Variants in SRSF5 observed in about 807,000 individuals in gnomAD.
The protein encoded by SRSF5 is serine/arginine-rich splicing factor 5.
In SRSF5, 5 loss-of-function variants were observed where a neutral mutation model predicts 34.0. That is an observed-to-expected ratio of 0.15 (90% CI 0.08 to 0.31). The LOEUF (loss-of-function observed/expected upper bound fraction) is 0.31. Ranked by LOEUF, SRSF5 falls within the 10% of genes least tolerant of loss-of-function variation. SRSF5 has a pLI of 1.00. For missense variants in SRSF5, 223 were observed against 351.4 expected (o/e 0.63, Z 2.92); for synonymous variants, 164 against 117.7 (o/e 1.39, Z -2.55).
intron 5 of SRSF5, 59 bp from the exon 6 acceptor site, chr14:69,770,408 G>T: frequency 6.3e-7 from 1 of 1,587,574 alleles, no homozygotes; most frequent in Admixed American, 1.9e-5. Context: ...TTTATATCAT[G>T]TGATTGTTTG....
Position 69,767,194 on chromosome 14 carries a change from A to G in SRSF5, c.-81A>G. 1 of 356,636 alleles carries G rather than the reference A, an allele frequency of 2.8e-6. No homozygotes were observed. Among genetic ancestry groups the G allele is most frequent in the Non-Finnish European group, 5.5e-6 (1 of 181,548 alleles). The allele number at this position is 356,636 out of a possible 1,614,324, so 22.1% of individuals were successfully genotyped here. A position where few individuals can be genotyped will look rare whatever the true frequency, so the allele number is the denominator to read the frequency against. On this transcript the variant is annotated 5_prime_UTR_variant, in exon 1 of 8. Transcript: ENST00000557154. Reference sequence around the variant, plus strand: ...TAAGTCCTGGTCTGCGTGGAGGTCGACGACTCCGTCGCAGACTACGGACCT... The same window carrying G: ...TAAGTCCTGGTCTGCGTGGAGGTCGGCGACTCCGTCGCAGACTACGGACCT...
rs894289278 is a variant in SRSF5, at chr14:69,767,158, C to T, written c.-117C>T. 2 of 340,990 alleles carry T rather than the reference C, an allele frequency of 5.9e-6. No individual in the cohort carries two copies. The highest frequency in any genetic ancestry group is 2.2e-5 in the South Asian group (1 of 45,046). The allele number at this position is 340,990 out of a possible 1,614,324, so 21.1% of individuals were successfully genotyped here. A position where few individuals can be genotyped will look rare whatever the true frequency, so the allele number is the denominator to read the frequency against. On this transcript the variant is annotated 5_prime_UTR_variant, in exon 1 of 8. Transcript: ENST00000557154. ...GCTAAGTGCGTCAGTTGTGGAGTGG[C>T]GTAGACGAGTTAAGTCCTGGTCTGC...
Position 69,771,792 on chromosome 14 carries a change from T to C in SRSF5, c.*331T>C, listed in dbSNP as rs930086176. 8.8e-6 allele frequency: 2 copies of C among 228,412 alleles called. No individual in the cohort carries two copies. The highest frequency in any genetic ancestry group is 4.6e-5 in the African/African-American group (2 of 43,262). 14.1% of individuals were successfully genotyped at this position (228,412 alleles called of 1,614,324 possible). On this transcript the variant is annotated 3_prime_UTR_variant, in exon 8 of 8. Coordinates refer to ENST00000557154, the MANE Select transcript of SRSF5 (RefSeq NM_001320214.2). ...GAAAAAAATTTGAACATTTTAGTTC[T>C]TGGTTATAAAAATGTTAATTCAGAA...
intron 1 of SRSF5, 183 bp from the exon 2 acceptor site, chr14:69,767,955 T>G: frequency 1.7e-6 from 1 of 597,886 alleles, no homozygotes; most frequent in Non-Finnish European, 2.9e-6. Context: ...CGGACCGTGT[T>G]GGGAGGGAGC....
intron 2 of SRSF5, 108 bp downstream of exon 2, chr14:69,768,390 C>T (rs1285558767): frequency 8.0e-6 from 12 of 1,492,912 alleles, no homozygotes; most frequent in Admixed American, 1.8e-5. Context: ...GAAAATGTTA[C>T]CCAGCCTTAT....
rs371196399 is a variant in SRSF5 at position 69,771,322 on chromosome 14, C to G, written c.680C>G (p.Ser227Cys). 3.1e-6 allele frequency: 5 copies of G among 1,613,920 alleles called. No individual in the cohort carries two copies. The highest frequency in any genetic ancestry group is 4.2e-6 in the Non-Finnish European group (5 of 1,180,002). The change falls in exon 8 of 8, where the codon TCC becomes TGC. Residue 227 changes from serine (S) to cysteine (C), a missense_variant. Around this residue, in one of 4 missense-constraint regions of SRSF5, gnomAD observed 115 missense variants for 119.7 expected, o/e 0.96. Coordinates refer to ENST00000557154, the MANE Select transcript of SRSF5 (RefSeq NM_001320214.2). ...SRSRSRSRSK[S>C]RSVSRSPVPE... ...AGCAGGAGCCGGAGCCGGAGCAAGT[C>G]CCGTTCTGTTAGTAGGTCTCCCGTG...
Position 69,771,626 on chromosome 14 carries a change from AAGG to A in SRSF5, c.*166_*168del. ...GATATCTTTGTAGATGTGGACCACCAAGGGGTTGTTGAAAACTAATTGTATTAA... is the reference window on the plus strand; with the variant it reads ...GATATCTTTGTAGATGTGGACCACCAGGTTGTTGAAAACTAATTGTATTAA... On this transcript the variant is annotated 3_prime_UTR_variant, in exon 8 of 8. Coordinates refer to ENST00000557154, the MANE Select transcript of SRSF5 (RefSeq NM_001320214.2). The A allele has an allele frequency of 1.3e-6, 1 of 779,694 alleles. No homozygotes were observed. Among genetic ancestry groups the A allele is most frequent in the Non-Finnish European group, 2.0e-6 (1 of 501,664 alleles). 48.3% of individuals were successfully genotyped at this position (779,694 alleles called of 1,614,324 possible). A position where few individuals can be genotyped will look rare whatever the true frequency, so the allele number is the denominator to read the frequency against.
chr14:69,769,862 A>G (rs1882998959), intron 5 of SRSF5: 1 of 1,239,914 alleles, frequency 8.1e-7, no homozygotes. Flanking sequence ...CTGCTCGAGT[A>G]GAACATGTCT....
At chr14:69,769,115 G>T in intron 4 of SRSF5, 67 bp from the exon 5 acceptor site, 1 of 1,573,920 alleles carries the variant, frequency 6.4e-7, no homozygotes, top group Non-Finnish European at 8.7e-7. Context: ...GCTTGAACTT[G>T]CCCACAGTTG....
Position 69,771,472 on chromosome 14 carries a change from AC to A in SRSF5, c.*12del. 6.2e-7 allele frequency: 1 copy of A among 1,607,090 alleles called. No individual in the cohort carries two copies. Among genetic ancestry groups the A allele is most frequent in the Non-Finnish European group, 8.5e-7 (1 of 1,176,132 alleles). On this transcript the variant is annotated 3_prime_UTR_variant, in exon 8 of 8. Transcript: ENST00000557154. ...GACAGTGGCAATTAAACTGTAAATAACTTGCCCTGGGGGCCTTTTTTTAAAA... is the reference window on the plus strand; with the variant it reads ...GACAGTGGCAATTAAACTGTAAATAATTGCCCTGGGGGCCTTTTTTTAAAA...
At chr14:69,767,377 C>T (rs1280291008) in intron 1 of SRSF5, 122 bp downstream of exon 1, 2 of 455,902 alleles carry the variant, frequency 4.4e-6, no homozygotes, top group South Asian at 1.5e-5. Context: ...GCAGTTGATT[C>T]GAGGTGGGCG....
intron 2 of SRSF5, 73 bp from the exon 3 acceptor site, chr14:69,768,531 A>G: frequency 6.9e-7 from 1 of 1,447,380 alleles, no homozygotes; most frequent in Non-Finnish European, 9.7e-7. Context: ...CTGTCTCCTG[A>G]TTTCAGTGCT....
intron 5 of SRSF5, chr14:69,769,725 C>G: frequency 1.4e-6 from 2 of 1,421,090 alleles, no homozygotes; most frequent in Non-Finnish European, 1.8e-6. Context: ...ATAACGTGAT[C>G]TGATCCCTAA....
chr14:69,769,083 G>A (rs1343192955), intron 4 of SRSF5, 99 bp from the exon 5 acceptor site: 7 of 1,432,508 alleles, frequency 4.9e-6, no homozygotes, highest in Non-Finnish European at 6.9e-6. Context: ...GAAGTCATTA[G>A]AATGGCTTGT....
intron 2 of SRSF5, 157 bp from the exon 3 acceptor site, chr14:69,768,447 C>G: frequency 1.6e-6 from 2 of 1,235,704 alleles, no homozygotes; most frequent in South Asian, 1.4e-5. Context: ...TGCCGGCTCA[C>G]TGGAACCCCA....
intron 1 of SRSF5, 158 bp downstream of exon 1, chr14:69,767,413 A>C (rs1197670175): frequency 2.2e-6 from 1 of 455,216 alleles, no homozygotes; most frequent in East Asian, 7.0e-5. Context: ...CTTTTGGCAT[A>C]CTGTTTGAGG....
In SRSF5 at chr14:69,770,962, A is replaced by G. The variant is rs1555351350; in HGVS notation, c.441-33A>G. The G allele has an allele frequency of 2.5e-6, 4 of 1,572,454 alleles. No homozygotes were observed. In the South Asian group the frequency reaches 3.4e-5, roughly 13 times the overall value. On this transcript the variant is annotated intron_variant, in intron 6 of 7. Transcript: ENST00000557154. ...TGCAATGTGTGAGACTACAGGATGT[A>G]TATACTTTAAAAGTGGCTGTTTTCC... is the stretch of plus-strand genomic sequence containing the variant.
In SRSF5 at chr14:69,771,703, A is replaced by G. The variant is rs1594756146; in HGVS notation, c.*242A>G. On this transcript the variant is annotated 3_prime_UTR_variant, in exon 8 of 8. Coordinates refer to ENST00000557154, the MANE Select transcript of SRSF5 (RefSeq NM_001320214.2). ...TCACATTTTTGTGAATGTCTGAAGTATATAGTTTGTGTATATTGACAGAGC... is the reference window on the plus strand; with the variant it reads ...TCACATTTTTGTGAATGTCTGAAGTGTATAGTTTGTGTATATTGACAGAGC... 1 of 495,778 alleles carries G rather than the reference A, an allele frequency of 2.0e-6. No homozygotes were observed. The highest frequency in any genetic ancestry group is 3.0e-5 in the South Asian group (1 of 33,348). The allele number at this position is 495,778 out of a possible 1,614,324, so 30.7% of individuals were successfully genotyped here. A position where few individuals can be genotyped will look rare whatever the true frequency, so the allele number is the denominator to read the frequency against.
At chr14:69,768,408 T>C in intron 2 of SRSF5, 126 bp downstream of exon 2, 1 of 1,421,470 alleles carries the variant, frequency 7.0e-7, no homozygotes, top group Non-Finnish European at 9.7e-7. Context: ...TATGTCTGAA[T>C]TTTATTGAGG....
Sources: allele counts gnomAD v4.1 joint callset, GRCh38; gene constraint gnomAD v4.1.1; regional missense constraint gnomAD v4.1.1; transcripts MANE v1.5; gene names NCBI Gene and HGNC (gene_info 2026-07-23, HGNC 2026-07-21).